The following IL4I1 variants were observed in gnomAD, a reference collection of about 807,000 sequenced individuals.
IL4I1 encodes the protein L-amino-acid oxidase.
In IL4I1, 24 loss-of-function variants were observed where a neutral mutation model predicts 29.7. The observed-to-expected ratio is 0.81, with a 90% CI of 0.59 to 1.14. The LOEUF (loss-of-function observed/expected upper bound fraction) is 1.14. Among genes scored for constraint, IL4I1 ranks in the 50% most tolerant of loss-of-function variants. The pLI, the probability that IL4I1 is intolerant of heterozygous loss-of-function variation, is 0.00. For missense variants in IL4I1, 686 were observed against 785.6 expected, an observed-to-expected ratio of 0.87 and a Z score of 1.52; for synonymous variants, 371 against 352.5, an observed-to-expected ratio of 1.05 and a Z score of -0.59.
At chr19:49,917,147 G>C (rs1043233829) in intron 2 of IL4I1, among the ~76,000 whole-genome samples, 1 of 152,248 alleles carries the variant, frequency 6.6e-6, no homozygotes, top group African/African-American at 2.4e-5. Flanking sequence ...AAAGAGCAGA[G>C]AGTGAGGGAG....
At chr19:49,928,138 GAC>G (rs967481736) in intron 1 of IL4I1, 3 of 152,268 alleles carry the variant, frequency 2.0e-5, no homozygotes, top group African/African-American at 7.2e-5. Flanking sequence ...ACAGAAGAAT[GAC>G]AGCAGGTGTT....
chr19:49,898,697 G>A (rs2075242631), upstream of IL4I1, among the ~76,000 whole-genome samples: 1 of 152,124 alleles, frequency 6.6e-6, no homozygotes, highest in East Asian at 1.9e-4. Context: ...ATGAAACCCT[G>A]TCTCTACCAA....
chr19:49,926,648 A>C (rs1308505429), intron 2 of IL4I1, among the ~76,000 whole-genome samples: 1 of 152,182 alleles, frequency 6.6e-6, no homozygotes, highest in East Asian at 1.9e-4. Flanking sequence ...CGTCCTTACC[A>C]CTGGCAGTCT....
intron 2 of IL4I1, among the ~76,000 whole-genome samples, chr19:49,919,943 T>G (rs77953462): frequency 5.3e-5 from 8 of 152,302 alleles, no homozygotes; most frequent in African/African-American, 1.9e-4. Context: ...TTTTTTTTTT[T>G]CTAAGACAAG....
intron 2 of IL4I1, chr19:49,908,948 G>A (rs200892854): frequency 1.9e-6 from 3 of 1,607,058 alleles, no homozygotes; most frequent in African/African-American, 2.7e-5. Context: ...AAAGCCGGTG[G>A]TGCTGCTGCT....
At chr19:49,907,828 G>A (rs371234041) in intron 2 of IL4I1, 29 of 330,976 alleles carry the variant, frequency 8.8e-5, no homozygotes, top group East Asian at 7.0e-4. Context: ...GAGCCACTGC[G>A]CCCTGACTTG....
intron 2 of IL4I1, among the ~76,000 whole-genome samples, chr19:49,922,155 C>T (rs1353710351): frequency 6.6e-6 from 1 of 152,250 alleles, no homozygotes; most frequent in East Asian, 1.9e-4. Context: ...CTTTGCTTCT[C>T]AGGCTCTAGG....
At chr19:49,896,256 G>C (rs1294349281) in intron 1 of IL4I1, 74 bp from the exon 2 acceptor site, 38 of 1,452,248 alleles carry the variant, frequency 2.6e-5, no homozygotes, top group Admixed American at 5.5e-5. Flanking sequence ...GTCTCCCATG[G>C]GCTGCCCAGC....
In IL4I1 at chr19:49,889,950, C is replaced by G; in HGVS notation, c.1424G>C (p.Arg475Pro). 1 of 1,596,530 alleles carries G rather than the reference C, an allele frequency of 6.3e-7. No individual in the cohort carries two copies. Among genetic ancestry groups the G allele is most frequent in the Non-Finnish European group, 8.5e-7 (1 of 1,171,924 alleles). ...EKDDWTVPYG[R>P]IYFAGEHTAY... ...GGTGTGCTCGCCGGCAAAGTAGATG[C>G]GGCCATAAGGGACCGTCCAGTCATC... The change falls in exon 8 of 8, where the codon CGC becomes CCC. Residue 475 changes from arginine to proline, a missense_variant. Arg to Pro is a moderately radical substitution (Grantham distance 103). Coordinates refer to ENST00000391826, the MANE Select transcript of IL4I1 (RefSeq NM_152899.2).
rs1211287023 is a variant in IL4I1, at chr19:49,895,058, G to T, written c.365+10C>A. On this transcript the variant is annotated intron_variant, in intron 4 of 7. Coordinates refer to ENST00000391826, the MANE Select transcript of IL4I1 (RefSeq NM_152899.2). ...GTCTAGGCACACAGGTGGGTGGGTTGCTAGGTCACCTGTGAGAGCTGGGCA... is the reference window on the plus strand; with the variant it reads ...GTCTAGGCACACAGGTGGGTGGGTTTCTAGGTCACCTGTGAGAGCTGGGCA... 2 of 1,605,866 alleles carry T rather than the reference G, an allele frequency of 1.2e-6. No homozygotes were observed. Among genetic ancestry groups the T allele is most frequent in the African/African-American group, 1.3e-5 (1 of 74,750 alleles).
At chr19:49,900,263 G>T (rs1279504467), upstream of IL4I1, among the ~76,000 whole-genome samples, 1 of 152,184 alleles carries the variant, frequency 6.6e-6, no homozygotes, top group Non-Finnish European at 1.5e-5. Context: ...GGTGCCCCCA[G>T]TGAAGAGCAG....
intron 5 of IL4I1, among the ~76,000 whole-genome samples, chr19:49,892,546 C>T (rs1314399617): frequency 6.6e-6 from 1 of 152,246 alleles, no homozygotes; most frequent in Non-Finnish European, 1.5e-5. Context: ...GGCTCTCCCA[C>T]CTACACATCT....
upstream of IL4I1, among the ~76,000 whole-genome samples, chr19:49,900,256 GCC>G (rs1199812634): frequency 1.3e-5 from 2 of 152,134 alleles, no homozygotes; most frequent in Non-Finnish European, 2.9e-5. Context: ...CAGGCCAGGT[GCC>G]CCCAGTGAAG....
chr19:49,916,501 C>T (rs547106666), intron 2 of IL4I1, among the ~76,000 whole-genome samples: 5 of 151,122 alleles, frequency 3.3e-5, no homozygotes, highest in Non-Finnish European at 7.4e-5. Flanking sequence ...AGGCCAGGCG[C>T]GGTGGCTCAC....
In IL4I1 at chr19:49,894,235, T is replaced by G. The variant is rs767691210; in HGVS notation, c.567+33A>C. 1.9e-6 allele frequency: 3 copies of G among 1,596,138 alleles called. No homozygotes were observed. The African/African-American group carries it at 4.0e-5, about 21-fold the overall frequency. ...CGAGCTTAGGAGGAGGACAGAGAAG[T>G]CAGGGCGGGAGGAGGGTGCAGGCGG... On this transcript the variant is annotated intron_variant, in intron 5 of 7. Coordinates refer to ENST00000391826, the MANE Select transcript of IL4I1 (RefSeq NM_152899.2).
chr19:49,929,241 A>G (rs766282293), intron 1 of IL4I1: 2 of 153,248 alleles, frequency 1.3e-5, no homozygotes, highest in Non-Finnish European at 2.9e-5. Flanking sequence ...TTCTCACTAC[A>G]GTGTCGCCGC....
upstream of IL4I1, among the ~76,000 whole-genome samples, chr19:49,898,725 C>G (rs913317735): frequency 2.6e-5 from 4 of 152,136 alleles, no homozygotes; most frequent in African/African-American, 9.7e-5. Context: ...AAAAATTAGC[C>G]AGGCGTGGTG....
chr19:49,891,713 C>G (rs1420584921), intron 5 of IL4I1, among the ~76,000 whole-genome samples: 2 of 152,264 alleles, frequency 1.3e-5, no homozygotes, highest in Non-Finnish European at 1.5e-5. Flanking sequence ...CCTCATTCGG[C>G]TGGCCCGGCT....
At chr19:49,901,562 A>C, upstream of IL4I1, 1 of 1,023,962 alleles carries the variant, frequency 9.8e-7, no homozygotes, top group South Asian at 2.0e-5. Context: ...GCCTGACCCC[A>C]GGACAGGGTC....
Sources: allele counts gnomAD v4.1 joint callset (sites outside exome capture counted in the v4.1 genomes callset), GRCh38; gene constraint gnomAD v4.1.1; transcripts MANE v1.5; gene names NCBI Gene and HGNC (gene_info 2026-07-23, HGNC 2026-07-21).